Variants in SNAPC1 observed in about 807,000 individuals in gnomAD.
SNAPC1 encodes the protein small nuclear RNA activating complex polypeptide 1, also known as snRNA-activating protein complex subunit 1.
In SNAPC1, 42 loss-of-function variants were observed where a neutral mutation model predicts 50.1. The ratio of observed to expected loss-of-function variants is 0.84; its 90% CI spans 0.65 to 1.08. The LOEUF (loss-of-function observed/expected upper bound fraction) is 1.08. Ranked by LOEUF, SNAPC1 falls within the 50% of genes least tolerant of loss-of-function variation. SNAPC1 has a pLI of 0.00. For missense variants in SNAPC1, 477 were observed against 427.3 expected, an observed-to-expected ratio of 1.12 and a Z score of -1.02; for synonymous variants, 164 against 144.2, an observed-to-expected ratio of 1.14 and a Z score of -0.98.
rs571564053 is a variant in SNAPC1 at position 61,779,104 on chromosome 14, ACTT to A, written c.825+200_825+202del. Among the ~76,000 whole-genome samples the A allele has an allele frequency of 4.6e-5, 7 of 152,118 alleles. No individual in the cohort carries two copies. The East Asian group carries it at 1.2e-3, about 25-fold the overall frequency. ...CTAACCTTCAGAGACAGCATCTTTC[ACTT>A]CTTCTCTTTTAGCAGTTTCTTCTAA... On this transcript the variant is annotated intron_variant, in intron 7 of 9. Coordinates refer to ENST00000216294, the MANE Select transcript of SNAPC1 (RefSeq NM_003082.4).
chr14:61,766,435 G>A (rs1030364721), intron 1 of SNAPC1, among the ~76,000 whole-genome samples: 3 of 152,138 alleles, frequency 2.0e-5, no homozygotes, highest in African/African-American at 4.8e-5. Flanking sequence ...AACTGCTGGC[G>A]ACTGTACCCT....
At chr14:61,768,605 C>G (rs766346887) in intron 3 of SNAPC1, 31 bp from the exon 4 acceptor site, 12 of 1,109,938 alleles carry the variant, frequency 1.1e-5, no homozygotes, top group Non-Finnish European at 1.6e-5. Flanking sequence ...TTAAAAGATA[C>G]TCATTTAAAA....
Position 61,778,098 on chromosome 14 carries a change from T to C in SNAPC1, c.720T>C (p.Asn240=). The C allele has an allele frequency of 1.9e-6, 3 of 1,603,322 alleles. No homozygotes were observed. Among genetic ancestry groups the C allele is most frequent in the Non-Finnish European group, 2.6e-6 (3 of 1,173,790 alleles). Residue 240 remains asparagine, a synonymous_variant, in exon 6 of 10, where the codon AAT becomes AAC. Coordinates refer to ENST00000216294, the MANE Select transcript of SNAPC1 (RefSeq NM_003082.4). ...RKNPSLKSKT[N]DGEEKMEGNS... is the part of the protein sequence containing the mutation. ...ATCCATCCTTAAAGTCAAAAACTAA[T>C]GATGGAGAAGAAAAAATGGAAGGAA... is the stretch of plus-strand genomic sequence containing the variant.
At chr14:61,780,878 G>T (rs2045067016) in intron 7 of SNAPC1, among the ~76,000 whole-genome samples, 1 of 145,786 alleles carries the variant, frequency 6.9e-6, no homozygotes, top group Admixed American at 6.8e-5. Context: ...ATTGTGGATT[G>T]AAAATATTTG....
chr14:61,769,714 CATTT>C (rs1279378773), intron 4 of SNAPC1, among the ~76,000 whole-genome samples: 1 of 152,140 alleles, frequency 6.6e-6, no homozygotes, highest in Non-Finnish European at 1.5e-5. Context: ...TGAGTTTTAA[CATTT>C]ATTTTAAAAC....
intron 4 of SNAPC1, among the ~76,000 whole-genome samples, chr14:61,774,614 T>C (rs2045020117): frequency 6.7e-6 from 1 of 150,212 alleles, no homozygotes; most frequent in South Asian, 2.1e-4. Context: ...CCTGCATATA[T>C]GAGCACTCAC....
intron 5 of SNAPC1, 81 bp from the exon 6 acceptor site, chr14:61,777,991 C>T (rs992233548): frequency 6.7e-5 from 41 of 615,750 alleles, no homozygotes; most frequent in Middle Eastern, 6.6e-4. Flanking sequence ...GATTTCTCAC[C>T]ATTCTAAAAT....
chr14:61,771,807 G>A (rs1274502955), intron 4 of SNAPC1, among the ~76,000 whole-genome samples: 4 of 152,190 alleles, frequency 2.6e-5, no homozygotes, highest in South Asian at 2.1e-4. Flanking sequence ...CTTGAGGAAA[G>A]AAGGTGAGAA....
At position 61,796,407 on chromosome 14, in the gene SNAPC1, A is replaced by G. The variant is rs1386167542; in HGVS notation, c.*1424A>G. 1 of 152,250 alleles carries G rather than the reference A, an allele frequency of 6.6e-6. No homozygotes were observed. The highest frequency in any genetic ancestry group is 2.4e-5 in the African/African-American group (1 of 41,460). The allele number at this position is 152,250 out of a possible 1,614,324, so 9.4% of individuals were successfully genotyped here. A position where few individuals can be genotyped will look rare whatever the true frequency, so the allele number is the denominator to read the frequency against. ...AATCAGAATGCTAATGCTGACGCAA[A>G]TAAAATTTTCATTTATTAGCATTCA... On this transcript the variant is annotated 3_prime_UTR_variant, in exon 10 of 10. Coordinates refer to ENST00000216294, the MANE Select transcript of SNAPC1 (RefSeq NM_003082.4).
At position 61,794,403 on chromosome 14, in the gene SNAPC1, T is replaced by TTTTG. The variant is rs888881464; in HGVS notation, c.1073-530_1073-527dup. The stretch of plus-strand genomic sequence containing the variant: ...AGTATTTTTTGTTGTTATGTGTTTT[T>TTTTG]TTTGTTTGTTTGTTTGTTTTGAGAT... On this transcript the variant is annotated intron_variant, in intron 9 of 9. Transcript: ENST00000216294. Among the ~76,000 whole-genome samples the TTTTG allele has an allele frequency of 3.9e-5, 6 of 152,188 alleles. No individual in the cohort carries two copies. In the South Asian group the frequency reaches 8.3e-4, roughly 21 times the overall value.
intron 8 of SNAPC1, among the ~76,000 whole-genome samples, chr14:61,785,861 G>A (rs945421793): frequency 3.3e-5 from 5 of 152,178 alleles, no homozygotes; most frequent in Non-Finnish European, 7.4e-5. Context: ...TCTTAGGTGA[G>A]CCTCAGAGGG....
rs1343701836 is a variant in SNAPC1, at chr14:61,769,114, CT to C, written c.534+377del. Among the ~76,000 whole-genome samples, 10 of 152,046 alleles carry C rather than the reference CT, an allele frequency of 6.6e-5. No homozygotes were observed. The East Asian group carries it at 1.9e-3, about 29-fold the overall frequency. ...GTGGCTCACACCTGTAATCTCAGCACTTTGGGAGGCCGAGGTGGGTGGATCA... is the reference window on the plus strand; with the variant it reads ...GTGGCTCACACCTGTAATCTCAGCACTTGGGAGGCCGAGGTGGGTGGATCA... On this transcript the variant is annotated intron_variant, in intron 4 of 9. Transcript: ENST00000216294.
chr14:61,768,334 T>G (rs1047817887), intron 3 of SNAPC1, among the ~76,000 whole-genome samples: 1 of 152,186 alleles, frequency 6.6e-6, no homozygotes, highest in Non-Finnish European at 1.5e-5. Context: ...TTGTTTTTTT[T>G]TAATCTAGTG....
intron 5 of SNAPC1, among the ~76,000 whole-genome samples, chr14:61,776,801 T>C (rs1417762637): frequency 3.9e-5 from 6 of 152,232 alleles, no homozygotes; most frequent in Admixed American, 6.5e-5. Context: ...TTTCTCTGTT[T>C]ACACATTGTC....
chr14:61,766,200 A>G (rs962238068), intron 1 of SNAPC1, among the ~76,000 whole-genome samples: 16 of 152,222 alleles, frequency 1.1e-4, no homozygotes, highest in African/African-American at 3.6e-4. Flanking sequence ...TGGCGTGCTT[A>G]TACTGGTCCA....
intron 8 of SNAPC1, among the ~76,000 whole-genome samples, chr14:61,788,689 GAAATA>G (rs1359154338): frequency 6.6e-6 from 1 of 152,124 alleles, no homozygotes; most frequent in African/African-American, 2.4e-5. Flanking sequence ...AAAGTGTGAG[GAAATA>G]AAATCTCAGT....
At chr14:61,793,661 C>CTTTT (rs71117855) in intron 9 of SNAPC1, among the ~76,000 whole-genome samples, 2 of 130,594 alleles carry the variant, frequency 1.5e-5, no homozygotes, top group Non-Finnish European at 3.1e-5. Flanking sequence ...TTCTTTTTTT[C>CTTTT]TTTTTTTTTT....
intron 4 of SNAPC1, among the ~76,000 whole-genome samples, chr14:61,775,867 AAT>A (rs1348820003): frequency 5.3e-5 from 8 of 152,236 alleles, no homozygotes; most frequent in African/African-American, 1.9e-4. Context: ...TATCTTAGTT[AAT>A]GTTTGTTGAG....
At chr14:61,777,990 C>A in intron 5 of SNAPC1, 82 bp from the exon 6 acceptor site, 1 of 618,214 alleles carries the variant, frequency 1.6e-6, no homozygotes. Flanking sequence ...TGATTTCTCA[C>A]CATTCTAAAA....
Sources: allele counts gnomAD v4.1 joint callset (sites outside exome capture counted in the v4.1 genomes callset), GRCh38; gene constraint gnomAD v4.1.1; transcripts MANE v1.5; gene names NCBI Gene and HGNC (gene_info 2026-07-23, HGNC 2026-07-21).